Variants in NKD1 observed in about 807,000 individuals in gnomAD.
The protein encoded by NKD1 is NKD inhibitor of Wnt signaling pathway 1, also known as protein naked cuticle homolog 1.
NKD1 carries 21 observed loss-of-function variants against 56.0 expected under a neutral mutation model. The ratio of observed to expected loss-of-function variants is 0.38; its 90% CI spans 0.27 to 0.54. The LOEUF (loss-of-function observed/expected upper bound fraction) is 0.54, where lower values mean the gene tolerates loss of function less well. Ranked by LOEUF, NKD1 falls within the 20% of genes least tolerant of loss-of-function variation. NKD1 has a pLI of 0.82. For missense variants in NKD1, 578 were observed against 642.7 expected, an observed-to-expected ratio of 0.90 and a Z score of 1.09; for synonymous variants, 263 against 265.7, an observed-to-expected ratio of 0.99 and a Z score of 0.10.
rs559781482 is a variant in NKD1 at position 50,634,054 on chromosome 16, G to A, written c.*273G>A. On this transcript the variant is annotated 3_prime_UTR_variant, in exon 10 of 10. Transcript: ENST00000268459. ...GGGCAGAGGCTCCCTCGGGGCTCGG[G>A]ATCTGCAGCATCTATGTGGATCAGC... The A allele has an allele frequency of 1.3e-4, 40 of 317,592 alleles. 1 individual carries two copies. The South Asian group carries it at 3.7e-3, about 30-fold the overall frequency. 19.7% of individuals were successfully genotyped at this position (317,592 alleles called of 1,614,324 possible). A position where few individuals can be genotyped will look rare whatever the true frequency, so the allele number is the denominator to read the frequency against.
chr16:50,559,858 T>C (rs1960585319), intron 3 of NKD1, among the ~76,000 whole-genome samples: 1 of 152,154 alleles, frequency 6.6e-6, no homozygotes, highest in Admixed American at 6.5e-5. Context: ...AAAAGGACCC[T>C]GTTAGCAGGA....
At position 50,646,055 on chromosome 16, in the gene NKD1, A is replaced by G. The variant is rs1002468534; in HGVS notation, c.*12274A>G. ...CTTTGCTTCTAACAGACAGCCTGGG[A>G]CCTTTGAAGTCGGTCTGGCCCAGTG... is the stretch of plus-strand genomic sequence containing the variant. On this transcript the variant is annotated 3_prime_UTR_variant, in exon 10 of 10. Transcript: ENST00000268459. 5 of 134,970 alleles carry G rather than the reference A, an allele frequency of 3.7e-5. No homozygotes were observed. Among genetic ancestry groups the G allele is most frequent in the African/African-American group, 1.4e-4 (5 of 36,290 alleles). 8.4% of individuals were successfully genotyped at this position (134,970 alleles called of 1,614,324 possible).
At chr16:50,631,165 G>T (rs1046538260) in intron 8 of NKD1, among the ~76,000 whole-genome samples, 17 of 152,238 alleles carry the variant, frequency 1.1e-4, no homozygotes, top group African/African-American at 4.1e-4. Context: ...GCTCTCAGCA[G>T]TGCATCAGGC....
chr16:50,569,001 T>C (rs758022574), intron 3 of NKD1, among the ~76,000 whole-genome samples: 4 of 152,222 alleles, frequency 2.6e-5, no homozygotes, highest in South Asian at 4.1e-4. Flanking sequence ...TCTCCTTCTC[T>C]TCCCCACCTT....
intron 3 of NKD1, among the ~76,000 whole-genome samples, chr16:50,604,742 G>A (rs116943572): frequency 0.014 from 2,063 of 152,332 alleles, 21 homozygotes; most frequent in Admixed American, 0.02. Flanking sequence ...CAGTGGCGCC[G>A]TCGAAGTTCT....
At chr16:50,564,104 G>A (rs569357438) in intron 3 of NKD1, among the ~76,000 whole-genome samples, 13 of 152,388 alleles carry the variant, frequency 8.5e-5, no homozygotes, top group African/African-American at 1.7e-4. Flanking sequence ...CTGGTTAACC[G>A]TCTTTGGGGC....
intron 3 of NKD1, among the ~76,000 whole-genome samples, chr16:50,602,322 C>T (rs8047443): frequency 0.038 from 5,780 of 152,202 alleles, 124 homozygotes; most frequent in Admixed American, 0.057. Flanking sequence ...GGCTGGAACC[C>T]CAGAAGGTCT....
intron 4 of NKD1, among the ~76,000 whole-genome samples, chr16:50,616,364 A>G (rs1245673966): frequency 2.6e-5 from 4 of 152,164 alleles, no homozygotes; most frequent in African/African-American, 9.7e-5. Flanking sequence ...TTTCATATGC[A>G]CCAGGCCTTT....
intron 3 of NKD1, among the ~76,000 whole-genome samples, chr16:50,583,911 T>G (rs1485641269): frequency 6.6e-6 from 1 of 152,224 alleles, no homozygotes; most frequent in Non-Finnish European, 1.5e-5. Flanking sequence ...AATCCCTCAT[T>G]TAAAGCAAAC....
intron 3 of NKD1, among the ~76,000 whole-genome samples, chr16:50,596,902 G>T (rs1961484662): frequency 6.6e-6 from 1 of 152,216 alleles, no homozygotes; most frequent in Non-Finnish European, 1.5e-5. Context: ...AGGGAACAGC[G>T]TGTGTGAAGA....
chr16:50,626,237 C>A lies in NKD1; in HGVS notation c.462+657C>A, dbSNP rs564609103. ...TTGCATATTGAGCACCAACTGTATG[C>A]ATCTGTTGGGTGCTAGGTACTAGGC... On this transcript the variant is annotated intron_variant, in intron 6 of 9. Transcript: ENST00000268459. Among the ~76,000 whole-genome samples, 3 of 152,370 alleles carry A rather than the reference C, an allele frequency of 2.0e-5. No individual in the cohort carries two copies. In the South Asian group the frequency reaches 6.2e-4, roughly 32 times the overall value.
rs1354513430 is a variant in NKD1, at chr16:50,548,437, C to G, written c.-117C>G. 3 of 693,652 alleles carry G rather than the reference C, an allele frequency of 4.3e-6. No individual in the cohort carries two copies. Among genetic ancestry groups the G allele is most frequent in the Middle Eastern group, 5.0e-4 (1 of 2,006 alleles). The allele number at this position is 693,652 out of a possible 1,614,324, so 43.0% of individuals were successfully genotyped here. ...CGGCGGCAGGAGCGCGTCCCGGCGC[C>G]GCCTCGGGCTCCGCTCGGCTCGGGG... On this transcript the variant is annotated 5_prime_UTR_variant, in exon 1 of 10. Coordinates refer to ENST00000268459, the MANE Select transcript of NKD1 (RefSeq NM_033119.5).
At chr16:50,602,693 T>A (rs1393123487) in intron 3 of NKD1, among the ~76,000 whole-genome samples, 1 of 152,178 alleles carries the variant, frequency 6.6e-6, no homozygotes, top group East Asian at 1.9e-4. Context: ...ATGGCATACA[T>A]GGGTTTGGTG....
At chr16:50,562,842 C>T (rs1960664547) in intron 3 of NKD1, among the ~76,000 whole-genome samples, 1 of 152,102 alleles carries the variant, frequency 6.6e-6, no homozygotes, top group Non-Finnish European at 1.5e-5. Context: ...GGCCCTCACT[C>T]ATGACAAGCT....
intron 1 of NKD1, 55 bp from the exon 2 acceptor site, chr16:50,548,662 C>T: frequency 1.4e-6 from 2 of 1,466,128 alleles, no homozygotes; most frequent in Non-Finnish European, 1.8e-6. Context: ...CCTTTCTTTC[C>T]TTCTCCCGCC....
chr16:50,581,552 CAG>C (rs567215855), intron 3 of NKD1, among the ~76,000 whole-genome samples: 117 of 152,376 alleles, frequency 7.7e-4, no homozygotes, highest in Middle Eastern at 3.4e-3. Flanking sequence ...CCCAAAGATG[CAG>C]ACTTTCCCTT....
intron 3 of NKD1, among the ~76,000 whole-genome samples, chr16:50,584,760 C>A (rs1306492928): frequency 6.6e-6 from 1 of 152,192 alleles, no homozygotes; most frequent in Admixed American, 6.5e-5. Context: ...GGTTTCTTTC[C>A]CTTGACCTCC....
At chr16:50,612,050 TC>T (rs1247576231) in intron 4 of NKD1, among the ~76,000 whole-genome samples, 1 of 152,092 alleles carries the variant, frequency 6.6e-6, no homozygotes, top group East Asian at 1.9e-4. Flanking sequence ...TCCAAAGGCC[TC>T]CCCGTACTCC....
chr16:50,571,563 C>CTA (rs1960884504), intron 3 of NKD1: 1 of 983,524 alleles, frequency 1.0e-6, no homozygotes, highest in Non-Finnish European at 1.2e-6. Flanking sequence ...GACGGGCTCT[C>CTA]CATTCATCTG....
Sources: allele counts gnomAD v4.1 joint callset (sites outside exome capture counted in the v4.1 genomes callset), GRCh38; gene constraint gnomAD v4.1.1; transcripts MANE v1.5; gene names NCBI Gene and HGNC (gene_info 2026-07-23, HGNC 2026-07-21).